Variants in TNIP3 observed in about 807,000 individuals in gnomAD.
TNIP3 encodes TNFAIP3 interacting protein 3.
In TNIP3, 34 loss-of-function variants were observed where a neutral mutation model predicts 54.1. The ratio of observed to expected loss-of-function variants is 0.63; its 90% CI spans 0.48 to 0.84. The LOEUF is 0.84. Among genes scored for constraint, TNIP3 ranks in the 40% least tolerant of loss-of-function variants. The pLI is 0.00. For synonymous variants in TNIP3, 134 were observed against 136.8 expected, an observed-to-expected ratio of 0.98 and a Z score of 0.14; for missense variants, 366 against 387.6, an observed-to-expected ratio of 0.94 and a Z score of 0.47.
intron 4 of TNIP3, among the ~76,000 whole-genome samples, chr4:121,156,135 C>T (rs1350394004): frequency 6.6e-6 from 1 of 152,176 alleles, no homozygotes; most frequent in Non-Finnish European, 1.5e-5. Flanking sequence ...ACAAAGACAT[C>T]CTCAGCAAGA....
At chr4:121,183,832 C>A (rs1045180632) in intron 2 of TNIP3, among the ~76,000 whole-genome samples, 4 of 152,060 alleles carry the variant, frequency 2.6e-5, no homozygotes, top group Admixed American at 1.3e-4. Flanking sequence ...CAGATGGGAC[C>A]ATCTAGTTGC....
chr4:121,215,412 A>G (rs965939485), intron 2 of TNIP3, among the ~76,000 whole-genome samples: 16 of 152,342 alleles, frequency 1.1e-4, no homozygotes, highest in Non-Finnish European at 2.2e-4. Context: ...ATTGGCCTGT[A>G]GAATAAATTC....
chr4:121,153,666 C>T (rs1324763956), intron 5 of TNIP3, among the ~76,000 whole-genome samples: 1 of 152,180 alleles, frequency 6.6e-6, no homozygotes, highest in Non-Finnish European at 1.5e-5. Flanking sequence ...AGCATCCTAT[C>T]AACTATGCAG....
chr4:121,214,739 T>C (rs1726688379), intron 2 of TNIP3, among the ~76,000 whole-genome samples: 1 of 152,230 alleles, frequency 6.6e-6, no homozygotes, highest in Admixed American at 6.5e-5. Context: ...GTAATGCCTA[T>C]AGTATCTTAG....
chr4:121,197,271 T>G (rs948874379), intron 2 of TNIP3, among the ~76,000 whole-genome samples: 1 of 152,140 alleles, frequency 6.6e-6, no homozygotes, highest in African/African-American at 2.4e-5. Flanking sequence ...CTCATGCCTA[T>G]AATCCCAGCG....
intron 2 of TNIP3, chr4:121,192,808 A>G (rs1334737661): frequency 2.0e-5 from 3 of 152,178 alleles, no homozygotes; most frequent in Non-Finnish European, 2.9e-5. Context: ...AAAATATGTA[A>G]TGCTTCACAA....
At chr4:121,163,800 A>C (rs1730600920) in intron 1 of TNIP3, among the ~76,000 whole-genome samples, 1 of 152,214 alleles carries the variant, frequency 6.6e-6, no homozygotes, top group South Asian at 2.1e-4. Flanking sequence ...TTTTTATAGA[A>C]CAAAAATCAA....
intron 2 of TNIP3, among the ~76,000 whole-genome samples, chr4:121,204,187 C>A (rs1367043671): frequency 6.6e-6 from 1 of 152,082 alleles, no homozygotes; most frequent in Non-Finnish European, 1.5e-5. Flanking sequence ...AGCTAAAGGG[C>A]AAAGTCAAGC....
chr4:121,154,358 C>G lies in TNIP3; in HGVS notation c.492+193G>C, dbSNP rs1486361841. ...ATGAATCTTTGTAGGGACAAAAATTCTCTAAAGCCTCCTTAGCCAAGTATG... is the reference window on the plus strand; with the variant it reads ...ATGAATCTTTGTAGGGACAAAAATTGTCTAAAGCCTCCTTAGCCAAGTATG... On this transcript the variant is annotated intron_variant, in intron 5 of 10. Coordinates refer to ENST00000057513, the MANE Select transcript of TNIP3 (RefSeq NM_024873.6). 1.8e-5 allele frequency: 11 copies of G among 621,376 alleles called. No individual in the cohort carries two copies. The South Asian group carries it at 2.3e-4, about 13-fold the overall frequency. The allele number at this position is 621,376 out of a possible 1,614,324, so 38.5% of individuals were successfully genotyped here. A position where few individuals can be genotyped will look rare whatever the true frequency, so the allele number is the denominator to read the frequency against.
chr4:121,167,862 G>C (rs74973596), upstream of TNIP3, among the ~76,000 whole-genome samples: 159 of 152,202 alleles, frequency 1.0e-3, 1 homozygote, highest in East Asian at 0.025. Flanking sequence ...CCCTGGACTC[G>C]AGACTCCTGT....
Position 121,132,340 on chromosome 4 carries a change from T to C in TNIP3, c.*291A>G, listed in dbSNP as rs1728522457. On this transcript the variant is annotated 3_prime_UTR_variant, in exon 11 of 11. Transcript: ENST00000057513. ...ATCATTTTTGTGCATCCAACAGCAA[T>C]ATGCTGAAGAGATTTTCAGGGAGTC... The C allele has an allele frequency of 2.6e-6, 1 of 379,596 alleles. No individual in the cohort carries two copies. The allele number at this position is 379,596 out of a possible 1,614,324, so 23.5% of individuals were successfully genotyped here.
intron 5 of TNIP3, among the ~76,000 whole-genome samples, chr4:121,151,452 A>C (rs1304594326): frequency 6.6e-6 from 1 of 151,956 alleles, no homozygotes; most frequent in Non-Finnish European, 1.5e-5. Context: ...TATGAATATC[A>C]TTTTTTTTCA....
chr4:121,168,819 T>C (rs1730915465), upstream of TNIP3, among the ~76,000 whole-genome samples: 1 of 152,192 alleles, frequency 6.6e-6, no homozygotes, highest in African/African-American at 2.4e-5. Flanking sequence ...AAATGAGGAC[T>C]TTAATATTTG....
intron 3 of TNIP3, chr4:121,182,593 G>C (rs985491342): frequency 3.3e-5 from 48 of 1,463,046 alleles, no homozygotes; most frequent in Middle Eastern, 4.8e-4. Context: ...TAAATGACTT[G>C]GGGACTGTCT....
chr4:121,167,616 T>C (rs1172187726), upstream of TNIP3, among the ~76,000 whole-genome samples: 1 of 152,184 alleles, frequency 6.6e-6, no homozygotes, highest in East Asian at 1.9e-4. Context: ...GATTAAGAAA[T>C]GTTGACCTTA....
At chr4:121,139,903 A>G (rs2148795900) in intron 9 of TNIP3, among the ~76,000 whole-genome samples, 1 of 152,374 alleles carries the variant, frequency 6.6e-6, no homozygotes, top group East Asian at 1.9e-4. Flanking sequence ...AATGTTACCA[A>G]CACTATAGCA....
intron 2 of TNIP3, among the ~76,000 whole-genome samples, chr4:121,199,499 C>G (rs941042004): frequency 6.6e-6 from 1 of 151,980 alleles, no homozygotes; most frequent in Admixed American, 6.6e-5. Context: ...GAGCAGGGAT[C>G]GATGAATGGG....
intron 5 of TNIP3, among the ~76,000 whole-genome samples, chr4:121,150,637 G>C (rs577731495): frequency 3.2e-4 from 49 of 152,322 alleles, no homozygotes; most frequent in African/African-American, 1.1e-3. Context: ...CAGAGATGAT[G>C]AATCAGTAGG....
chr4:121,144,979 A>G (rs1579380261), intron 7 of TNIP3, among the ~76,000 whole-genome samples: 1 of 152,164 alleles, frequency 6.6e-6, no homozygotes, highest in Non-Finnish European at 1.5e-5. Flanking sequence ...TTTTCCCCCT[A>G]AATTCTCATA....
Sources: gnomAD v4.1 joint callset for allele counts (sites outside exome capture counted in the v4.1 genomes callset) on GRCh38, gnomAD v4.1.1 for gene constraint, MANE v1.5 for transcripts, NCBI Gene and HGNC (gene_info 2026-07-23, HGNC 2026-07-21) for gene names.